The following NBPF3 variants were observed in gnomAD, a reference collection of about 807,000 sequenced individuals.
The protein encoded by NBPF3 is NBPF family member NBPF3.
Under a neutral mutation model 78.1 loss-of-function variants are expected in NBPF3, and 57 were observed. That is an observed-to-expected ratio of 0.73 (90% CI 0.59 to 0.91). NBPF3 has a LOEUF of 0.91. NBPF3 is among the 40% of genes least tolerant of loss of function. The pLI is 0.00. For missense variants in NBPF3, 510 were observed against 715.3 expected, an observed-to-expected ratio of 0.71 and a Z score of 3.27; for synonymous variants, 182 against 271.7, an observed-to-expected ratio of 0.67 and a Z score of 3.25.
chr1:21,464,667 C>T (rs1330826224), intron 2 of NBPF3, among the ~76,000 whole-genome samples: 1 of 143,462 alleles, frequency 7.0e-6, no homozygotes, highest in Non-Finnish European at 1.5e-5. Flanking sequence ...AGGTGTCTTT[C>T]CACATCTCCA....
At chr1:21,449,596 G>A (rs1264291687) in intron 2 of NBPF3, among the ~76,000 whole-genome samples, 2 of 151,922 alleles carry the variant, frequency 1.3e-5, no homozygotes, top group African/African-American at 4.8e-5. Flanking sequence ...TCAGCCTCCT[G>A]AGTAGCTGCG....
upstream of NBPF3, chr1:21,437,550 G>A: frequency 8.1e-7 from 1 of 1,230,768 alleles, no homozygotes. Context: ...GGAGGTCTGA[G>A]CTGGGGGCTA....
intron 2 of NBPF3, among the ~76,000 whole-genome samples, chr1:21,459,160 C>G (rs1019953763): frequency 1.3e-5 from 2 of 152,170 alleles, no homozygotes; most frequent in Non-Finnish European, 2.9e-5. Context: ...ATTACCTCAA[C>G]AGAATTCTGA....
intron 1 of NBPF3, among the ~76,000 whole-genome samples, chr1:21,443,245 T>C (rs955886670): frequency 6.6e-6 from 1 of 152,194 alleles, no homozygotes; most frequent in African/African-American, 2.4e-5. Context: ...AATTTATAAA[T>C]GATTGTCAGT....
chr1:21,466,827 C>T (rs1434615194), intron 2 of NBPF3, among the ~76,000 whole-genome samples: 1 of 152,162 alleles, frequency 6.6e-6, no homozygotes, highest in African/African-American at 2.4e-5. Context: ...AGCATTACCA[C>T]AGGATTATGA....
At chr1:21,457,372 A>G (rs928793142) in intron 2 of NBPF3, among the ~76,000 whole-genome samples, 4 of 150,092 alleles carry the variant, frequency 2.7e-5, no homozygotes, top group African/African-American at 9.7e-5. Flanking sequence ...ATGTATGTAT[A>G]TATATGTATG....
chr1:21,439,194 G>A (rs766585486), upstream of NBPF3, among the ~76,000 whole-genome samples: 83 of 152,138 alleles, frequency 5.5e-4, 1 homozygote, highest in Non-Finnish European at 6.0e-4. Flanking sequence ...CAGGAGAATC[G>A]CTTGATCCTG....
intron 2 of NBPF3, among the ~76,000 whole-genome samples, chr1:21,445,458 C>A (rs527637367): frequency 2.6e-5 from 4 of 152,316 alleles, no homozygotes; most frequent in East Asian, 1.9e-4. Flanking sequence ...GGACAGTGTT[C>A]TCTCCAGGAC....
chr1:21,449,705 A>G (rs1262916240), intron 2 of NBPF3: 1 of 152,464 alleles, frequency 6.6e-6, no homozygotes, highest in Non-Finnish European at 1.5e-5. Flanking sequence ...TCTTGACCTC[A>G]AGTGATCCAC....
At chr1:21,468,541 A>T in intron 2 of NBPF3, 147 bp from the exon 3 acceptor site, 18 of 1,512,712 alleles carry the variant, frequency 1.2e-5, no homozygotes, top group Non-Finnish European at 1.5e-5. Flanking sequence ...TTTTGTCGTT[A>T]AGGATCCTAA....
At chr1:21,445,774 C>G (rs1243500389) in intron 2 of NBPF3, among the ~76,000 whole-genome samples, 1 of 152,170 alleles carries the variant, frequency 6.6e-6, no homozygotes, top group Admixed American at 6.5e-5. Context: ...GCCTTTCCCA[C>G]CTCCCATTCC....
intron 2 of NBPF3, among the ~76,000 whole-genome samples, chr1:21,459,070 T>C: frequency 6.6e-6 from 1 of 152,102 alleles, no homozygotes; most frequent in East Asian, 1.9e-4. Context: ...GTAAAAGCAA[T>C]TGGTGAGAAA....
upstream of NBPF3, among the ~76,000 whole-genome samples, chr1:21,437,821 ATT>A (rs3053525): frequency 0.54 from 77,140 of 143,450 alleles, 20,783 homozygotes; most frequent in Middle Eastern, 0.63. Flanking sequence ...TGCCTGGCTA[ATT>A]TTTTTTTTTT....
At chr1:21,452,155 G>A (rs978386948) in intron 2 of NBPF3, among the ~76,000 whole-genome samples, 1 of 152,172 alleles carries the variant, frequency 6.6e-6, no homozygotes, top group Non-Finnish European at 1.5e-5. Context: ...TTATTGCAAA[G>A]TGTTGCCTTG....
At chr1:21,445,764 G>A (rs1454092627) in intron 2 of NBPF3, among the ~76,000 whole-genome samples, 1 of 152,174 alleles carries the variant, frequency 6.6e-6, no homozygotes. Context: ...ACTTTTGAAG[G>A]CCTTTCCCAC....
chr1:21,461,436 A>G (rs1375593689), intron 2 of NBPF3, among the ~76,000 whole-genome samples: 2 of 152,242 alleles, frequency 1.3e-5, no homozygotes, highest in African/African-American at 4.8e-5. Flanking sequence ...GCACCTGAGT[A>G]GGAGAAGTCA....
upstream of NBPF3, chr1:21,437,511 G>C: frequency 6.9e-7 from 1 of 1,442,690 alleles, no homozygotes; most frequent in Non-Finnish European, 9.3e-7. Context: ...CGGCTGCGGA[G>C]AGCCAAGAAG....
In NBPF3 at chr1:21,460,620, ATTAAC is replaced by A. The variant is rs768260575; in HGVS notation, c.134-8063_134-8059del. On this transcript the variant is annotated intron_variant, in intron 2 of 14. Coordinates refer to ENST00000318249, the MANE Select transcript of NBPF3 (RefSeq NM_032264.6). This position sits in a 1 kb window ranked among gnomAD's most constrained non-coding sequence, Gnocchi z 4.2. ...TAACCACTCTTCATCATACACTGAA[ATTAAC>A]TTAAGATGTGAAAGTTAAAATTAGA... Among the ~76,000 whole-genome samples the A allele has an allele frequency of 3.9e-5, 6 of 152,388 alleles. No homozygotes were observed. The highest frequency in any genetic ancestry group is 2.1e-4 in the South Asian group (1 of 4,832).
At chr1:21,466,155 G>A in intron 2 of NBPF3, 1 of 985,158 alleles carries the variant, frequency 1.0e-6, no homozygotes, top group Non-Finnish European at 1.2e-6. Flanking sequence ...AGCAGGACGA[G>A]GGTAAGTGCA....
Sources: allele counts gnomAD v4.1 joint callset (sites outside exome capture counted in the v4.1 genomes callset), GRCh38; gene constraint gnomAD v4.1.1; non-coding constraint Gnocchi (gnomAD v3.1); transcripts MANE v1.5; gene names NCBI Gene and HGNC (gene_info 2026-07-23, HGNC 2026-07-21).